Variants in PCDH15 observed in about 807,000 individuals in gnomAD.
The protein encoded by PCDH15 is protocadherin-15.
In PCDH15, 129 loss-of-function variants were observed where a neutral mutation model predicts 178.5. The observed-to-expected ratio is 0.72, with a 90% CI of 0.63 to 0.84. The LOEUF (loss-of-function observed/expected upper bound fraction) is 0.84, where lower values mean the gene tolerates loss of function less well. Ranked by LOEUF, PCDH15 falls within the 40% of genes least tolerant of loss-of-function variation. The pLI, the probability that PCDH15 is intolerant of heterozygous loss-of-function variation, is 0.00. For missense variants in PCDH15, 2,230 were observed against 2,099.9 expected (o/e 1.06, Z -1.21); for synonymous variants, 800 against 732.0 (o/e 1.09, Z -1.50).
chr10:55,331,627 A>G (rs2132310994), intron 2 of PCDH15, among the ~76,000 whole-genome samples: 1 of 152,204 alleles, frequency 6.6e-6, no homozygotes, highest in East Asian at 1.9e-4. Context: ...AAACACAGCC[A>G]TGAAGCTCTC....
At chr10:55,211,216 A>T (rs1024856018) in intron 1 of PCDH15, among the ~76,000 whole-genome samples, 3 of 152,066 alleles carry the variant, frequency 2.0e-5, no homozygotes, top group Admixed American at 2.0e-4. Flanking sequence ...TCTGTAAATA[A>T]CTGGATAACA....
intron 13 of PCDH15, among the ~76,000 whole-genome samples, chr10:54,154,537 T>G (rs1400707099): frequency 6.6e-6 from 1 of 152,216 alleles, no homozygotes; most frequent in Non-Finnish European, 1.5e-5. Context: ...ACCTTGAAAC[T>G]TGAATTCAAT....
In PCDH15 at chr10:54,070,592, ATTG is replaced by A. The variant is rs1212678506; in HGVS notation, c.2092-3710_2092-3708del. Among the ~76,000 whole-genome samples, 7 of 150,438 alleles carry A rather than the reference ATTG, an allele frequency of 4.7e-5. No individual in the cohort carries two copies. The South Asian group carries it at 8.5e-4, about 18-fold the overall frequency. On this transcript the variant is annotated intron_variant, in intron 17 of 37. Transcript: ENST00000644397. ...TAATATAGCATCTTTTTTTATTTTC[ATTG>A]TTGTTGTTTTTTTTGAGACATGTCT...
At chr10:54,283,762 T>C (rs2058851806) in intron 8 of PCDH15, among the ~76,000 whole-genome samples, 1 of 152,192 alleles carries the variant, frequency 6.6e-6, no homozygotes, top group Non-Finnish European at 1.5e-5. Context: ...CCTCGCTTGA[T>C]GCTTCATACA....
intron 2 of PCDH15, among the ~76,000 whole-genome samples, chr10:54,545,877 T>G (rs1362501883): frequency 2.6e-5 from 4 of 152,210 alleles, no homozygotes; most frequent in Non-Finnish European, 5.9e-5. Flanking sequence ...AAACTGCACT[T>G]GCCAGACTCA....
chr10:54,286,689 G>A (rs1355913223), intron 8 of PCDH15, among the ~76,000 whole-genome samples: 4 of 152,040 alleles, frequency 2.6e-5, no homozygotes, highest in African/African-American at 4.8e-5. Flanking sequence ...GCGGTAGCAC[G>A]ATCTCAGCTC....
chr10:54,566,223 AG>A (rs1259832189), intron 2 of PCDH15, among the ~76,000 whole-genome samples: 3 of 152,132 alleles, frequency 2.0e-5, no homozygotes, highest in African/African-American at 7.2e-5. Flanking sequence ...AAAAAATGGG[AG>A]GAAGGTATAG....
intron 1 of PCDH15, among the ~76,000 whole-genome samples, chr10:54,796,268 A>ATCTATCTATCTATCTATCTATCTG (rs1554796123): frequency 2.1e-4 from 26 of 120,932 alleles, no homozygotes; most frequent in African/African-American, 4.1e-4. Context: ...CTATCTATCT[A>ATCTATCTATCTATCTATCTATCTG]TCTATGTATC....
intron 3 of PCDH15, among the ~76,000 whole-genome samples, chr10:54,444,320 A>G (rs1355642042): frequency 6.6e-6 from 1 of 151,668 alleles, no homozygotes; most frequent in Non-Finnish European, 1.5e-5. Context: ...ATTCACATAG[A>G]CTATAGTGTG....
In PCDH15 at chr10:54,513,090, T is replaced by C. The variant is rs186202852; in HGVS notation, c.157+14722A>G. Among the ~76,000 whole-genome samples, 491 of 152,116 alleles carry C rather than the reference T, an allele frequency of 3.2e-3. 4 individuals carry two copies. Among genetic ancestry groups the C allele is most frequent in the African/African-American group, 0.012 (480 of 41,542 alleles). ...TAATCAGATTTTTCATTTTATGAAA[T>C]ATTCTTAAATGTACAAAACATTTTA... On this transcript the variant is annotated intron_variant, in intron 3 of 37. Coordinates refer to ENST00000644397, the MANE Select transcript of PCDH15 (RefSeq NM_001384140.1).
At chr10:55,133,600 C>G (rs184682541) in intron 2 of PCDH15, among the ~76,000 whole-genome samples, 56 of 152,200 alleles carry the variant, frequency 3.7e-4, no homozygotes, top group Non-Finnish European at 4.9e-4. Flanking sequence ...TCTTATGCCC[C>G]ACCTCCTTTC....
chr10:54,110,848 G>A (rs1169304692), intron 15 of PCDH15, among the ~76,000 whole-genome samples: 1 of 152,086 alleles, frequency 6.6e-6, no homozygotes, highest in Non-Finnish European at 1.5e-5. Flanking sequence ...TTTTAAAAAA[G>A]TATTTGAAAC....
chr10:54,651,065 G>A (rs764918326), intron 2 of PCDH15, among the ~76,000 whole-genome samples: 1 of 152,100 alleles, frequency 6.6e-6, no homozygotes, highest in Non-Finnish European at 1.5e-5. Flanking sequence ...AGGAAGGAGG[G>A]AGAAAGAGAG....
At position 55,230,149 on chromosome 10, in the gene PCDH15, C is replaced by T. The variant is rs573692862; in HGVS notation, c.-155-63498G>A. Among the ~76,000 whole-genome samples, 3 of 151,974 alleles carry T rather than the reference C, an allele frequency of 2.0e-5. No individual in the cohort carries two copies. In the East Asian group the frequency reaches 5.8e-4, roughly 29 times the overall value. ...GCAAATAAAGTGTATGAGAACATTACCTTTTATTTGTCCTAAGCTCATTCT... is the reference window on the plus strand; with the variant it reads ...GCAAATAAAGTGTATGAGAACATTATCTTTTATTTGTCCTAAGCTCATTCT... On this transcript the variant is annotated intron_variant, in intron 1 of 5. Transcript: ENST00000458638.
intron 11 of PCDH15, among the ~76,000 whole-genome samples, chr10:54,192,116 AAAAG>A (rs1158014700): frequency 2.1e-4 from 30 of 140,818 alleles, no homozygotes; most frequent in Admixed American, 4.4e-4. Flanking sequence ...AGAAAAAAAA[AAAAG>A]AAAGAAAGAA....
intron 2 of PCDH15, among the ~76,000 whole-genome samples, chr10:54,975,993 C>A (rs904723026): frequency 1.3e-5 from 2 of 151,920 alleles, no homozygotes; most frequent in African/African-American, 4.8e-5. Context: ...ATTCTGTTTA[C>A]CCTGAACCAT....
chr10:55,009,066 G>T (rs2131940486), intron 2 of PCDH15, among the ~76,000 whole-genome samples: 1 of 151,952 alleles, frequency 6.6e-6, no homozygotes, highest in Admixed American at 6.6e-5. Context: ...AAATTAATAT[G>T]TACACAAACA....
At chr10:54,270,400 C>G (rs1258885245) in intron 8 of PCDH15, among the ~76,000 whole-genome samples, 2 of 152,084 alleles carry the variant, frequency 1.3e-5, no homozygotes, top group Non-Finnish European at 2.9e-5. Flanking sequence ...TAAATTTGGA[C>G]AGTCATCATT....
chr10:54,811,130 T>C (rs1245288051), intron 3 of PCDH15, among the ~76,000 whole-genome samples: 1 of 149,216 alleles, frequency 6.7e-6, no homozygotes, highest in Non-Finnish European at 1.5e-5. Flanking sequence ...TACTCAATAT[T>C]ATGTGTATAT....
Sources: allele counts gnomAD v4.1 joint callset (sites outside exome capture counted in the v4.1 genomes callset), GRCh38; gene constraint gnomAD v4.1.1; transcripts MANE v1.5; gene names NCBI Gene and HGNC (gene_info 2026-07-23, HGNC 2026-07-21).